Variants in DACH2 observed in about 807,000 individuals in gnomAD.
DACH2 encodes dachshund family transcription factor 2, also known as dachshund homolog 2.
DACH2 carries 17 observed loss-of-function variants against 35.8 expected under a neutral mutation model. The ratio of observed to expected loss-of-function variants is 0.48; its 90% CI spans 0.33 to 0.71. The LOEUF is 0.71. Ranked by LOEUF, DACH2 falls within the 30% of genes least tolerant of loss-of-function variation. The pLI, the probability that DACH2 is intolerant of heterozygous loss-of-function variation, is 0.02. For missense variants in DACH2, 469 were observed against 472.7 expected (o/e 0.99, Z 0.07); for synonymous variants, 195 against 177.3 (o/e 1.10, Z -0.79).
At chrX:86,453,865 C>T (rs1446142306) in intron 2 of DACH2, among the ~76,000 whole-genome samples, 2 of 110,637 alleles carry the variant, frequency 1.8e-5, no homozygotes, top group Non-Finnish European at 3.8e-5. Context: ...GTAATTGCTT[C>T]ATAGTGTCAC....
intron 1 of DACH2, among the ~76,000 whole-genome samples, chrX:86,310,085 A>G (rs978136745): frequency 8.9e-6 from 1 of 112,115 alleles, no homozygotes; most frequent in Non-Finnish European, 1.9e-5. Context: ...TCTGCAGATA[A>G]CTACTCTCCT....
chrX:86,814,788 A>T lies in DACH2; in HGVS notation c.1638A>T (p.Ala546=). Residue 546 remains alanine (A), a synonymous_variant, in exon 10 of 12, where the codon GCA becomes GCT. Transcript: ENST00000373125. ...AGCGCCGGGAGCAAGTGGAGCAGGC[A>T]CTTAAGCAAGCCACCACTAGTGACA... ...ESKRREQVEQ[A]LKQATTSDSG... The T allele has an allele frequency of 8.3e-7, 1 of 1,211,678 alleles. No homozygotes were observed. The highest frequency in any genetic ancestry group is 1.1e-6 in the Non-Finnish European group (1 of 895,322).
At chrX:86,345,239 G>A (rs2035477101) in intron 1 of DACH2, among the ~76,000 whole-genome samples, 2 of 111,806 alleles carry the variant, frequency 1.8e-5, no homozygotes, top group Admixed American at 1.9e-4. Context: ...TATGGACTCA[G>A]GAAATGGGAA....
At chrX:86,234,780 T>G (rs1202989233) in intron 1 of DACH2, among the ~76,000 whole-genome samples, 1 of 109,578 alleles carries the variant, frequency 9.1e-6, no homozygotes, top group Non-Finnish European at 1.9e-5. Context: ...TGCCTGCTAA[T>G]TTTTGTATGT....
At chrX:86,813,544 G>A (rs1447354166) in intron 9 of DACH2, among the ~76,000 whole-genome samples, 3 of 107,595 alleles carry the variant, frequency 2.8e-5, no homozygotes, top group African/African-American at 6.8e-5. Flanking sequence ...CCCGGGAGGC[G>A]GAGGTTGCAG....
At chrX:86,396,312 T>C (rs1223085787) in intron 2 of DACH2, among the ~76,000 whole-genome samples, 6 of 98,112 alleles carry the variant, frequency 6.1e-5, no homozygotes, top group Admixed American at 1.1e-4. Flanking sequence ...GAGTAGGTTG[T>C]GAAAATTTTC....
At chrX:86,611,982 T>G (rs937982068) in intron 3 of DACH2, among the ~76,000 whole-genome samples, 1 of 109,234 alleles carries the variant, frequency 9.2e-6, no homozygotes. Context: ...TGTGTGTGTG[T>G]GTGGGTAGGG....
chrX:86,802,528 GAAAAAAAAAAA>G (rs34700295), intron 7 of DACH2, among the ~76,000 whole-genome samples: 5 of 63,142 alleles, frequency 7.9e-5, no homozygotes, highest in Admixed American at 6.3e-4. Context: ...TTTCTTGGTT[GAAAAAAAAAAA>G]AAAAAAAAAA....
intron 3 of DACH2, among the ~76,000 whole-genome samples, chrX:86,530,004 CAA>C (rs2038695041): frequency 9.6e-6 from 1 of 103,709 alleles, no homozygotes; most frequent in Non-Finnish European, 2.0e-5. Flanking sequence ...CACACACACA[CAA>C]TCACATTTTC....
intron 7 of DACH2, among the ~76,000 whole-genome samples, chrX:86,807,920 A>G (rs1470864823): frequency 8.9e-6 from 1 of 112,198 alleles, no homozygotes; most frequent in Non-Finnish European, 1.9e-5. Flanking sequence ...TGTTTTCTCA[A>G]CACTAATTTG....
intron 2 of DACH2, 68 bp from the exon 3 acceptor site, chrX:86,514,211 G>A: frequency 2.1e-6 from 2 of 939,669 alleles, no homozygotes; most frequent in Non-Finnish European, 3.0e-6. Context: ...GGTAAATATT[G>A]CAAGTGATGG....
At chrX:86,526,894 A>C in intron 3 of DACH2, among the ~76,000 whole-genome samples, 1 of 110,116 alleles carries the variant, frequency 9.1e-6, no homozygotes, top group Non-Finnish European at 1.9e-5. Context: ...TTCCTTTCTC[A>C]GTAGTGTTAC....
At chrX:86,532,280 G>T (rs1021302256) in intron 3 of DACH2, among the ~76,000 whole-genome samples, 3 of 111,609 alleles carry the variant, frequency 2.7e-5, no homozygotes, top group Non-Finnish European at 5.6e-5. Context: ...TGTGAAAAGG[G>T]CATGAGATTT....
At chrX:86,549,173 G>T (rs5968941) in intron 3 of DACH2, among the ~76,000 whole-genome samples, 1 of 110,851 alleles carries the variant, frequency 9.0e-6, no homozygotes. Context: ...CATTTCTTTA[G>T]GTTAATGGCT....
At chrX:86,506,045 G>C (rs987066065) in intron 2 of DACH2, among the ~76,000 whole-genome samples, 2 of 111,605 alleles carry the variant, frequency 1.8e-5, no homozygotes, top group African/African-American at 6.5e-5. Context: ...AATTGTGATG[G>C]ACAGCAACTG....
At chrX:86,335,095 T>C (rs939545470) in intron 1 of DACH2, among the ~76,000 whole-genome samples, 2 of 111,406 alleles carry the variant, frequency 1.8e-5, no homozygotes, top group Non-Finnish European at 3.8e-5. Flanking sequence ...TTCCGAGGCC[T>C]CTGTTCTGTT....
intron 1 of DACH2, among the ~76,000 whole-genome samples, chrX:86,287,981 G>A (rs2034187715): frequency 9.0e-6 from 1 of 111,481 alleles, no homozygotes; most frequent in Middle Eastern, 4.6e-3. Flanking sequence ...TGAAGTGTTA[G>A]GTATTTTTTG....
intron 2 of DACH2, among the ~76,000 whole-genome samples, chrX:86,438,526 C>T (rs935788266): frequency 4.5e-5 from 5 of 111,296 alleles, no homozygotes; most frequent in African/African-American, 9.8e-5. Context: ...GCACTTGGCC[C>T]GAACTCATTC....
chrX:86,757,855 T>C (rs1231613975), intron 7 of DACH2, among the ~76,000 whole-genome samples: 1 of 112,001 alleles, frequency 8.9e-6, no homozygotes, highest in Non-Finnish European at 1.9e-5. Flanking sequence ...CAATTTAACC[T>C]CTTTTCTTTA....
Sources: gnomAD v4.1 joint callset for allele counts (sites outside exome capture counted in the v4.1 genomes callset) on GRCh38, gnomAD v4.1.1 for gene constraint, MANE v1.5 for transcripts, NCBI Gene and HGNC (gene_info 2026-07-23, HGNC 2026-07-21) for gene names.